The following ZNF787 variants were observed in gnomAD, a reference collection of about 807,000 sequenced individuals.
The protein encoded by ZNF787 is zinc finger protein 787.
In ZNF787, 7 loss-of-function variants were observed where a neutral mutation model predicts 16.9. The ratio of observed to expected loss-of-function variants is 0.42; its 90% CI spans 0.24 to 0.78. The LOEUF is 0.78. Ranked by LOEUF, ZNF787 falls within the 30% of genes least tolerant of loss-of-function variation. The pLI, the probability that ZNF787 is intolerant of heterozygous loss-of-function variation, is 0.30. For synonymous variants in ZNF787, 345 were observed against 270.9 expected, an observed-to-expected ratio of 1.27 and a Z score of -2.69; for missense variants, 551 against 589.3, an observed-to-expected ratio of 0.94 and a Z score of 0.67.
intron 1 of ZNF787, 61 bp from the exon 2 acceptor site, chr19:56,103,288 C>T (rs1986177087): frequency 1.4e-6 from 2 of 1,442,960 alleles, no homozygotes; most frequent in Admixed American, 2.5e-5. Flanking sequence ...GCACCGAGGG[C>T]CCTGCAGGGA....
intron 1 of ZNF787, among the ~76,000 whole-genome samples, chr19:56,118,542 T>C (rs2030201885): frequency 6.6e-6 from 1 of 152,092 alleles, no homozygotes; most frequent in South Asian, 2.1e-4. Context: ...ACAAGTGCCA[T>C]CCAGAGCCTC....
At chr19:56,109,331 G>A (rs182039260) in intron 1 of ZNF787, among the ~76,000 whole-genome samples, 2 of 152,020 alleles carry the variant, frequency 1.3e-5, no homozygotes, top group East Asian at 1.9e-4. Flanking sequence ...CAGCAGATGC[G>A]AGAAGGGTGC....
chr19:56,092,749 CAG>C, intron 2 of ZNF787, among the ~76,000 whole-genome samples: 1 of 151,780 alleles, frequency 6.6e-6, no homozygotes, highest in African/African-American at 2.4e-5. Flanking sequence ...CAGGGGATGA[CAG>C]AGCTGGAATA....
rs1366574273 is a variant in ZNF787 at position 56,088,473 on chromosome 19, G to A, written c.699C>T (p.Ile233=). The change falls in exon 3 of 3, where the codon ATC becomes ATT. Residue 233 remains isoleucine (I), a synonymous_variant. Coordinates refer to ENST00000610935, the MANE Select transcript of ZNF787 (RefSeq NM_001002836.4). The surrounding 1 kb of genome is among the most constrained non-coding windows in gnomAD (Gnocchi z 8.6). ...CCTCGCCATCGCCCACGGGGATGGC[G>A]ATCTCGCCGTCCGCCGCCACCGCCT... is the stretch of plus-strand genomic sequence containing the variant. ...PEEAVAADGE[I]AIPVGDGEGI... 6.0e-6 allele frequency: 8 copies of A among 1,333,106 alleles called. No individual in the cohort carries two copies. The highest frequency in any genetic ancestry group is 4.0e-5 in the Admixed American group (1 of 25,098). The allele number at this position is 1,333,106 out of a possible 1,614,324, so 82.6% of individuals were successfully genotyped here.
At chr19:56,110,482 A>G (rs964543995) in intron 1 of ZNF787, among the ~76,000 whole-genome samples, 2 of 152,044 alleles carry the variant, frequency 1.3e-5, no homozygotes, top group African/African-American at 4.8e-5. Flanking sequence ...CACCCTAGAC[A>G]TTAAAAATGC....
intron 1 of ZNF787, among the ~76,000 whole-genome samples, chr19:56,104,465 C>G (rs201940043): frequency 1.5e-5 from 2 of 135,644 alleles, no homozygotes; most frequent in African/African-American, 5.7e-5. Flanking sequence ...ACCCGTGCCA[C>G]GCACCGGGAG....
At chr19:56,098,426 CAGGTAATACGGCCGCA>C (rs1417392920) in intron 2 of ZNF787, among the ~76,000 whole-genome samples, 1 of 151,980 alleles carries the variant, frequency 6.6e-6, no homozygotes, top group Non-Finnish European at 1.5e-5. Context: ...TGATGCCACC[CAGGTAATACGGCCGCA>C]GGGTGATACG....
chr19:56,096,827 A>C (rs1356267504), intron 2 of ZNF787, among the ~76,000 whole-genome samples: 1 of 152,218 alleles, frequency 6.6e-6, no homozygotes, highest in Non-Finnish European at 1.5e-5. Flanking sequence ...GCTGTAAGAC[A>C]CCGGCTGAAG....
chr19:56,120,204 G>A (rs1264235367), intron 1 of ZNF787, among the ~76,000 whole-genome samples: 2 of 152,204 alleles, frequency 1.3e-5, no homozygotes, highest in Admixed American at 6.5e-5. Context: ...CACAGGGCCT[G>A]GCACTGGAAA....
rs773607779 is a variant in ZNF787, at chr19:56,088,228, G to A, written c.944C>T (p.Pro315Leu). ...DGLGAAGGEE[P>L]AHICVECGEG... is the part of the protein sequence containing the mutation. ...CCCGCACTCCACGCAGATGTGGGCC[G>A]GCTCCTCGCCCCCCGCCGCCCCGAG... Residue 315 changes from proline to leucine, a missense_variant, in exon 3 of 3, where the codon CCG (proline) becomes CTG (leucine). Physicochemically the swap from Pro to Leu is moderately conservative, Grantham distance 98. Around this residue, in one of 4 missense-constraint regions of ZNF787, gnomAD observed 392 missense variants for 312.7 expected, o/e 1.25. Transcript: ENST00000610935. The surrounding 1 kb of genome is among the most constrained non-coding windows in gnomAD (Gnocchi z 8.6). The A allele has an allele frequency of 2.0e-6, 3 of 1,500,190 alleles. No individual in the cohort carries two copies. The highest frequency in any genetic ancestry group is 2.9e-5 in the East Asian group (1 of 34,130). 92.9% of individuals were successfully genotyped at this position (1,500,190 alleles called of 1,614,324 possible). A position where few individuals can be genotyped will look rare whatever the true frequency, so the allele number is the denominator to read the frequency against.
chr19:56,107,631 G>A lies in ZNF787; in HGVS notation c.-10-4404C>T, dbSNP rs146990459. Among the ~76,000 whole-genome samples, 93 of 148,548 alleles carry A rather than the reference G, an allele frequency of 6.3e-4. 1 individual carries two copies. The East Asian group carries it at 0.016, about 26-fold the overall frequency. On this transcript the variant is annotated intron_variant, in intron 1 of 2. Transcript: ENST00000610935. ...CGAGGTCCTGCCCCCAAGGCTCACAGACAGCAGGAAGGAAGCACACGGGGA... is the reference window on the plus strand; with the variant it reads ...CGAGGTCCTGCCCCCAAGGCTCACAAACAGCAGGAAGGAAGCACACGGGGA...
chr19:56,101,708 T>C (rs1431260407), intron 2 of ZNF787: 2 of 152,204 alleles, frequency 1.3e-5, no homozygotes, highest in Admixed American at 1.3e-4. Flanking sequence ...ATATTTTCTC[T>C]AAAACGCTGT....
chr19:56,100,009 C>T (rs550249961), intron 2 of ZNF787, among the ~76,000 whole-genome samples: 2 of 152,042 alleles, frequency 1.3e-5, no homozygotes, highest in African/African-American at 4.8e-5. Flanking sequence ...AAGGCCAGTG[C>T]GCCGTGACTG....
At chr19:56,113,153 G>A (rs180912875) in intron 1 of ZNF787, among the ~76,000 whole-genome samples, 125 of 152,232 alleles carry the variant, frequency 8.2e-4, no homozygotes, top group African/African-American at 2.8e-3. Context: ...CACATGCAAG[G>A]ATGTCCTCAT....
In ZNF787 at chr19:56,088,035, CCCACCGCGGCACTCG is replaced by C; in HGVS notation, c.1122_1136del (p.Glu375_Gly379del). The C allele has an allele frequency of 7.7e-7, 1 of 1,300,038 alleles. No homozygotes were observed. Among genetic ancestry groups the C allele is most frequent in the Non-Finnish European group, 9.8e-7 (1 of 1,021,840 alleles). 80.5% of individuals were successfully genotyped at this position (1,300,038 alleles called of 1,614,324 possible). ...CCGGGCCCCTCCCCTACCGGCCCTC[CCCACCGCGGCACTCG>C]GGGCACCGCCCGCCCGCGGCCTCGT... is the stretch of plus-strand genomic sequence containing the variant. On this transcript the variant is annotated inframe_deletion, in exon 3 of 3. Transcript: ENST00000610935. The surrounding 1 kb of genome is among the most constrained non-coding windows in gnomAD (Gnocchi z 8.6).
chr19:56,092,026 AAGCCG>A, intron 2 of ZNF787, among the ~76,000 whole-genome samples: 1 of 143,268 alleles, frequency 7.0e-6, no homozygotes, highest in Non-Finnish European at 1.5e-5. Context: ...ACCGAAGCCG[AAGCCG>A]AAGCCGAAGC....
intron 1 of ZNF787, among the ~76,000 whole-genome samples, chr19:56,117,432 GTA>G: frequency 6.6e-6 from 1 of 150,578 alleles, no homozygotes; most frequent in African/African-American, 2.5e-5. Context: ...GGAGTGGCTA[GTA>G]CAATCTCACA....
rs1319333525 is a variant in ZNF787, at chr19:56,087,747, C to CAAGA, written c.*275_*276insTCTT. The CAAGA allele has an allele frequency of 1.4e-5, 5 of 354,750 alleles. No homozygotes were observed. The highest frequency in any genetic ancestry group is 2.3e-5 in the Non-Finnish European group (5 of 215,800). 22.0% of individuals were successfully genotyped at this position (354,750 alleles called of 1,614,324 possible). On this transcript the variant is annotated 3_prime_UTR_variant, in exon 3 of 3. Transcript: ENST00000610935. ...GGGCCTGGTCGCCACTCGGCCTCTG[C>CAAGA]AGTTCTCTCCATTGTCTCTCCGGCT...
chr19:56,088,034 C>G lies in ZNF787; in HGVS notation c.1138G>C (p.Glu380Gln). The part of the protein sequence containing the change: ...GGRCPECRGG[E>Q]GR ...CCCGGGCCCCTCCCCTACCGGCCCT[C>G]CCCACCGCGGCACTCGGGGCACCGC... The change falls in exon 3 of 3, where the codon GAG becomes CAG. Residue 380 changes from glutamate (E) to glutamine (Q), a missense_variant. Coordinates refer to ENST00000610935, the MANE Select transcript of ZNF787 (RefSeq NM_001002836.4). This position sits in a 1 kb window ranked among gnomAD's most constrained non-coding sequence, Gnocchi z 8.6. The G allele has an allele frequency of 7.7e-7, 1 of 1,297,670 alleles. No homozygotes were observed. The highest frequency in any genetic ancestry group is 3.4e-5 in the East Asian group (1 of 29,702). The allele number at this position is 1,297,670 out of a possible 1,614,324, so 80.4% of individuals were successfully genotyped here.
Sources: allele counts gnomAD v4.1 joint callset (sites outside exome capture counted in the v4.1 genomes callset), GRCh38; gene constraint gnomAD v4.1.1; regional missense constraint gnomAD v4.1.1; non-coding constraint Gnocchi (gnomAD v3.1); transcripts MANE v1.5; gene names NCBI Gene and HGNC (gene_info 2026-07-23, HGNC 2026-07-21).